The following F13A1 variants were observed in gnomAD, a reference collection of about 807,000 sequenced individuals.
The protein encoded by F13A1 is coagulation factor XIII A chain.
F13A1 carries 47 observed loss-of-function variants against 80.1 expected under a neutral mutation model. That is an observed-to-expected ratio of 0.59 (90% CI 0.46 to 0.75). The LOEUF (loss-of-function observed/expected upper bound fraction) is 0.75, where lower values mean the gene tolerates loss of function less well. Among genes scored for constraint, F13A1 ranks in the 30% least tolerant of loss-of-function variants. F13A1 has a pLI of 0.00. For synonymous variants in F13A1, 349 were observed against 344.9 expected (o/e 1.01, Z -0.13); for missense variants, 817 against 930.4 (o/e 0.88, Z 1.59).
At position 6,266,571 on chromosome 6, in the gene F13A1, A is replaced by T. The variant is rs1397950225; in HGVS notation, c.558T>A (p.Asn186Lys). The T allele has an allele frequency of 2.5e-6, 4 of 1,614,218 alleles. No individual in the cohort carries two copies. Among genetic ancestry groups the T allele is most frequent in the South Asian group, 1.1e-5 (1 of 91,084 alleles). ...TCTGCCTCTTACCTTCACACCAAGG[A>T]TTGAAGAGAATGTACGTGTCTGTTT... ...NPETDTYILF[N>K]PWCEDDAVYL... Residue 186 changes from asparagine (N) to lysine (K), a missense_variant, in exon 4 of 15, where the codon AAT becomes AAA. Transcript: ENST00000264870.
chr6:6,312,225 A>G (rs1197885876), intron 2 of F13A1, among the ~76,000 whole-genome samples: 4 of 151,676 alleles, frequency 2.6e-5, no homozygotes, highest in Admixed American at 6.6e-5. Context: ...GTTTTCTAAC[A>G]TGTTACTTTT....
intron 8 of F13A1, among the ~76,000 whole-genome samples, chr6:6,198,128 G>A (rs189776203): frequency 6.6e-6 from 1 of 152,296 alleles, no homozygotes; most frequent in African/African-American, 2.4e-5. Flanking sequence ...AATTATGCCT[G>A]ACTATAATTC....
rs1214449903 is a variant in F13A1, at chr6:6,153,753, G to A, written c.1909-1804C>T. ...GGATCCTGTAATTCATTTATTTGAG[G>A]CACCCCTGTTGATTACAAAGAACCA... On this transcript the variant is annotated intron_variant, in intron 13 of 14. Coordinates refer to ENST00000264870, the MANE Select transcript of F13A1 (RefSeq NM_000129.4). 2.6e-5 allele frequency among the ~76,000 whole-genome samples: 4 copies of A among 152,164 alleles called. No homozygotes were observed. In the South Asian group the frequency reaches 6.2e-4, roughly 24 times the overall value.
Position 6,167,506 on chromosome 6 carries a change from C to G in F13A1, c.1860G>C (p.Leu620=), listed in dbSNP as rs138943514. ...TTAGCACGGTGGACTTTTGCTTGGCCAGAACATCCCTGGTCTCATTGATGC... is the reference window on the plus strand; with the variant it reads ...TTAGCACGGTGGACTTTTGCTTGGCGAGAACATCCCTGGTCTCATTGATGC... ...TARINETRDV[L]AKQKSTVLTI... The change falls in exon 13 of 15, where the codon CTG becomes CTC. Residue 620 remains leucine (L), a synonymous_variant. Coordinates refer to ENST00000264870, the MANE Select transcript of F13A1 (RefSeq NM_000129.4). 1,198 of 1,613,896 alleles carry G rather than the reference C, an allele frequency of 7.4e-4. No individual in the cohort carries two copies. Among genetic ancestry groups the G allele is most frequent in the Admixed American group, 8.2e-4 (49 of 59,978 alleles).
intron 2 of F13A1, among the ~76,000 whole-genome samples, chr6:6,308,460 G>GA (rs1561686880): frequency 4.2e-5 from 4 of 95,738 alleles, no homozygotes; most frequent in African/African-American, 1.7e-4. Flanking sequence ...TGGTTTTTCT[G>GA]TAAAAAAAAA....
In F13A1 at chr6:6,286,590, T is replaced by C. The variant is rs973375365; in HGVS notation, c.319+18761A>G. ...GAATTGAGGCTGCTGTAGATCCATGTGGATTCACTGCTGCTAACATACTTT... is the reference window on the plus strand; with the variant it reads ...GAATTGAGGCTGCTGTAGATCCATGCGGATTCACTGCTGCTAACATACTTT... On this transcript the variant is annotated intron_variant, in intron 3 of 14. Transcript: ENST00000264870. Among the ~76,000 whole-genome samples, 3 of 152,326 alleles carry C rather than the reference T, an allele frequency of 2.0e-5. No homozygotes were observed. In the East Asian group the frequency reaches 5.8e-4, roughly 29 times the overall value.
At chr6:6,174,524 G>A in intron 12 of F13A1, 56 bp downstream of exon 12, 1 of 1,590,154 alleles carries the variant, frequency 6.3e-7, no homozygotes, top group Non-Finnish European at 8.6e-7. Flanking sequence ...TTAACACCTA[G>A]CAAGACAGGG....
At chr6:6,211,665 G>C (rs1761612921) in intron 8 of F13A1, among the ~76,000 whole-genome samples, 1 of 152,240 alleles carries the variant, frequency 6.6e-6, no homozygotes, top group African/African-American at 2.4e-5. Context: ...ACAATAATTA[G>C]GGGGAGGAGC....
At position 6,164,148 on chromosome 6, in the gene F13A1, CA is replaced by C. The variant is rs1760622728; in HGVS notation, c.1908+3309del. Among the ~76,000 whole-genome samples, 13 of 151,246 alleles carry C rather than the reference CA, an allele frequency of 8.6e-5. 1 individual carries two copies. The South Asian group carries it at 2.3e-3, about 27-fold the overall frequency. The stretch of plus-strand genomic sequence containing the variant: ...CCAAACAACCCCATTAAAAAGTGGG[CA>C]AGGGACATGAACATAGATATGGCCA... On this transcript the variant is annotated intron_variant, in intron 13 of 14. Transcript: ENST00000264870.
At chr6:6,306,428 C>A (rs1220322257) in intron 2 of F13A1, among the ~76,000 whole-genome samples, 1 of 152,204 alleles carries the variant, frequency 6.6e-6, no homozygotes, top group East Asian at 1.9e-4. Context: ...TGTTCCACTT[C>A]TTACAGGAAT....
chr6:6,300,628 T>C (rs112876881), intron 3 of F13A1, among the ~76,000 whole-genome samples: 8,417 of 152,064 alleles, frequency 0.055, 602 homozygotes, highest in African/African-American at 0.17. Flanking sequence ...ACCCACTGAC[T>C]TGTGCCCACT....
intron 3 of F13A1, among the ~76,000 whole-genome samples, chr6:6,272,145 A>T (rs1373495869): frequency 6.6e-6 from 1 of 152,220 alleles, no homozygotes; most frequent in Admixed American, 6.5e-5. Flanking sequence ...CTGCACGCAA[A>T]GCCCTGCATT....
chr6:6,223,652 A>G (rs904445057), intron 7 of F13A1, among the ~76,000 whole-genome samples: 2 of 152,040 alleles, frequency 1.3e-5, no homozygotes, highest in Admixed American at 6.6e-5. Context: ...GTTTGATACT[A>G]TGGGAAAATA....
At chr6:6,287,734 T>C (rs1244210432) in intron 3 of F13A1, among the ~76,000 whole-genome samples, 1 of 152,222 alleles carries the variant, frequency 6.6e-6, no homozygotes. Context: ...CACCAAAATA[T>C]GGATGGCAAT....
intron 3 of F13A1, among the ~76,000 whole-genome samples, chr6:6,293,800 AGGG>A (rs1361100246): frequency 7.8e-5 from 3 of 38,376 alleles, no homozygotes; most frequent in South Asian, 2.8e-3. Context: ...GGAGGGAGGG[AGGG>A]AGGGAGGGAG....
intron 8 of F13A1, among the ~76,000 whole-genome samples, chr6:6,212,364 C>T (rs932908363): frequency 3.3e-5 from 5 of 152,146 alleles, no homozygotes; most frequent in Admixed American, 1.3e-4. Flanking sequence ...CAAGTGGGTC[C>T]CTGACCCCTG....
intron 6 of F13A1, among the ~76,000 whole-genome samples, 192 bp from the exon 7 acceptor site, chr6:6,225,052 G>A (rs1757256185): frequency 6.6e-6 from 1 of 152,188 alleles, no homozygotes; most frequent in Non-Finnish European, 1.5e-5. Context: ...CGCAAGAGGA[G>A]ACCAAGTAAC....
At chr6:6,147,753 T>G (rs1402732999) in intron 14 of F13A1, among the ~76,000 whole-genome samples, 1 of 152,226 alleles carries the variant, frequency 6.6e-6, no homozygotes, top group African/African-American at 2.4e-5. Flanking sequence ...CATAATGATG[T>G]GTACATACGA....
At chr6:6,286,827 AAG>A (rs900283748) in intron 3 of F13A1, among the ~76,000 whole-genome samples, 3 of 152,236 alleles carry the variant, frequency 2.0e-5, no homozygotes, top group African/African-American at 7.2e-5. Context: ...AGAGGGTAGC[AAG>A]AGAGAGGTAC....
Sources: gnomAD v4.1 joint callset for allele counts (sites outside exome capture counted in the v4.1 genomes callset) on GRCh38, gnomAD v4.1.1 for gene constraint, MANE v1.5 for transcripts, NCBI Gene and HGNC (gene_info 2026-07-23, HGNC 2026-07-21) for gene names.